Variants in KAZN observed in about 807,000 individuals in gnomAD.
The protein encoded by KAZN is kazrin, periplakin interacting protein, also known as kazrin.
A neutral mutation model predicts 87.4 loss-of-function variants in KAZN; 40 were observed. The ratio of observed to expected loss-of-function variants is 0.46; its 90% CI spans 0.36 to 0.60. The LOEUF is 0.60. Among genes scored for constraint, KAZN ranks in the 20% least tolerant of loss-of-function variants. KAZN has a pLI of 0.00. For missense variants in KAZN, 898 were observed against 1,073.9 expected (o/e 0.84, Z 2.29); for synonymous variants, 466 against 458.3 (o/e 1.02, Z -0.22).
intron 2 of KAZN, among the ~76,000 whole-genome samples, chr1:14,981,180 G>A (rs12088648): frequency 0.31 from 47,526 of 152,146 alleles, 7,622 homozygotes; most frequent in Middle Eastern, 0.36. Flanking sequence ...AAAGTGGTGT[G>A]CCACAGCATA....
intron 1 of KAZN, among the ~76,000 whole-genome samples, chr1:14,940,898 CTTTTTTTTTTTTTTTTT>C (rs66777443): frequency 5.5e-5 from 3 of 54,404 alleles, no homozygotes; most frequent in African/African-American, 2.5e-4. Flanking sequence ...TTCTACCTTT[CTTTTTTTTTTTTTTTTT>C]TTTTTTTTTT....
intron 2 of KAZN, among the ~76,000 whole-genome samples, chr1:14,510,255 G>C (rs908513282): frequency 2.0e-5 from 3 of 152,072 alleles, no homozygotes; most frequent in Non-Finnish European, 2.9e-5. Flanking sequence ...GCATATGCCT[G>C]TAATCCCAGC....
At chr1:14,233,374 A>G (rs1224155334) in intron 2 of KAZN, among the ~76,000 whole-genome samples, 1 of 152,164 alleles carries the variant, frequency 6.6e-6, no homozygotes, top group Non-Finnish European at 1.5e-5. Context: ...GGTTCAAGCA[A>G]TCCTATTGCT....
At chr1:14,012,599 G>T (rs12078060) in intron 1 of KAZN, among the ~76,000 whole-genome samples, 25,426 of 152,148 alleles carry the variant, frequency 0.17, 2,303 homozygotes, top group African/African-American at 0.2. Flanking sequence ...TGGATCAGGA[G>T]TTCAAGACCT....
chr1:14,229,614 A>G (rs1647617305), intron 2 of KAZN, among the ~76,000 whole-genome samples: 1 of 152,236 alleles, frequency 6.6e-6, no homozygotes. Flanking sequence ...TTCACAGCAA[A>G]TACGAAAATC....
At chr1:14,093,913 C>G (rs1644065386) in intron 1 of KAZN, among the ~76,000 whole-genome samples, 1 of 152,126 alleles carries the variant, frequency 6.6e-6, no homozygotes, top group South Asian at 2.1e-4. Flanking sequence ...CAAGGCCTGT[C>G]TGTTCAGATT....
At chr1:14,401,439 G>A (rs1181438433) in intron 2 of KAZN, among the ~76,000 whole-genome samples, 2 of 151,758 alleles carry the variant, frequency 1.3e-5, no homozygotes, top group Middle Eastern at 3.4e-3. Context: ...AAGAGCAAAC[G>A]AATCCAGCAG....
In KAZN at chr1:15,056,119, A is replaced by G; in HGVS notation, c.755A>G (p.Lys252Arg). ...MAKQSLATLT[K>R]DVPKRHSLAM... ...AAACAGTCCTTAGCTACGCTGACCA[A>G]GGACGTCCCCAAGCGGCATTCCCTC... is the stretch of plus-strand genomic sequence containing the variant. Residue 252 changes from lysine (K) to arginine (R), a missense_variant, in exon 5 of 15, where the codon AAG (lysine) becomes AGG (arginine). By Grantham distance (26) the Lys-to-Arg change is conservative. Transcript: ENST00000376030. This position sits in a 1 kb window ranked among gnomAD's most constrained non-coding sequence, Gnocchi z 5.4. 1 of 1,613,578 alleles carries G rather than the reference A, an allele frequency of 6.2e-7. No individual in the cohort carries two copies. The highest frequency in any genetic ancestry group is 8.5e-7 in the Non-Finnish European group (1 of 1,179,546).
At chr1:14,356,735 T>G (rs1234112788) in intron 2 of KAZN, among the ~76,000 whole-genome samples, 1 of 152,208 alleles carries the variant, frequency 6.6e-6, no homozygotes, top group Non-Finnish European at 1.5e-5. Context: ...CAGATGGTTG[T>G]GGATGTGTGG....
intron 1 of KAZN, among the ~76,000 whole-genome samples, chr1:14,048,444 C>G (rs1203064780): frequency 6.6e-6 from 1 of 151,308 alleles, no homozygotes; most frequent in Admixed American, 6.6e-5. Context: ...TGCTCTGTCA[C>G]CCAGGCTGGA....
chr1:14,046,450 GAAGA>G (rs1642078192), intron 1 of KAZN, among the ~76,000 whole-genome samples: 1 of 151,984 alleles, frequency 6.6e-6, no homozygotes, highest in South Asian at 2.1e-4. Flanking sequence ...AAAAACATAA[GAAGA>G]AAGATGAAAG....
chr1:14,799,893 T>C (rs1645953688), intron 1 of KAZN, among the ~76,000 whole-genome samples: 1 of 152,208 alleles, frequency 6.6e-6, no homozygotes, highest in African/African-American at 2.4e-5. Context: ...CATTTTTATA[T>C]CTTCATGTTT....
At chr1:13,968,808 A>C (rs1269023002) in intron 1 of KAZN, among the ~76,000 whole-genome samples, 1 of 124,572 alleles carries the variant, frequency 8.0e-6, no homozygotes. Context: ...TTGAACATCT[A>C]CTCTACATTC....
At chr1:14,828,421 G>A (rs536661877) in intron 1 of KAZN, among the ~76,000 whole-genome samples, 45 of 152,028 alleles carry the variant, frequency 3.0e-4, no homozygotes, top group Admixed American at 7.9e-4. Flanking sequence ...AGCTATTATC[G>A]ATCAATTGGA....
intron 1 of KAZN, among the ~76,000 whole-genome samples, chr1:14,021,785 T>C (rs1248133536): frequency 6.6e-6 from 1 of 152,174 alleles, no homozygotes; most frequent in Non-Finnish European, 1.5e-5. Flanking sequence ...TTCTCAAGTA[T>C]TGTAGGAGAT....
At chr1:13,927,174 T>C (rs1028542220) in intron 1 of KAZN, among the ~76,000 whole-genome samples, 2 of 152,182 alleles carry the variant, frequency 1.3e-5, no homozygotes, top group African/African-American at 4.8e-5. Context: ...ATCATAATAA[T>C]GCAGTCCTGG....
rs980345856 is a variant in KAZN at position 15,029,110 on chromosome 1, C to A, written c.419-5639C>A. The stretch of plus-strand genomic sequence containing the variant: ...CATCTTAATGGCCAGAACTGTGACA[C>A]CTGCCGCTTGTAGCTGCAAGGGAGC... On this transcript the variant is annotated intron_variant, in intron 2 of 14. Transcript: ENST00000376030. Among the ~76,000 whole-genome samples, 3 of 152,320 alleles carry A rather than the reference C, an allele frequency of 2.0e-5. 1 individual carries two copies. The South Asian group carries it at 6.2e-4, about 32-fold the overall frequency.
intron 1 of KAZN, among the ~76,000 whole-genome samples, chr1:14,008,682 A>G (rs1640144362): frequency 6.6e-6 from 1 of 152,124 alleles, no homozygotes; most frequent in East Asian, 1.9e-4. Context: ...ATTTTTTTGG[A>G]GGATGAGGAT....
At chr1:14,660,985 C>T (rs1302592729) in intron 1 of KAZN, among the ~76,000 whole-genome samples, 2 of 152,088 alleles carry the variant, frequency 1.3e-5, no homozygotes, top group South Asian at 2.1e-4. Flanking sequence ...CATCTGAAGT[C>T]GCAGAATAAC....
Sources: allele counts gnomAD v4.1 joint callset (sites outside exome capture counted in the v4.1 genomes callset), GRCh38; gene constraint gnomAD v4.1.1; non-coding constraint Gnocchi (gnomAD v3.1); transcripts MANE v1.5; gene names NCBI Gene and HGNC (gene_info 2026-07-23, HGNC 2026-07-21).